The following SGTB variants were observed in gnomAD, a reference collection of about 807,000 sequenced individuals.
The protein encoded by SGTB is small glutamine rich tetratricopeptide repeat co-chaperone beta, also known as small glutamine-rich tetratricopeptide repeat-containing protein beta.
In SGTB, 19 loss-of-function variants were observed where a neutral mutation model predicts 43.9. That is an observed-to-expected ratio of 0.43 (90% CI 0.30 to 0.63). SGTB has a LOEUF of 0.63. SGTB is among the 30% of genes least tolerant of loss of function. SGTB has a pLI of 0.12. For synonymous variants in SGTB, 116 were observed against 117.3 expected (o/e 0.99, Z 0.07); for missense variants, 304 against 358.9 (o/e 0.85, Z 1.24).
intron 5 of SGTB, among the ~76,000 whole-genome samples, chr5:65,701,836 T>C (rs1174225099): frequency 6.6e-6 from 1 of 152,094 alleles, no homozygotes; most frequent in Admixed American, 6.6e-5. Flanking sequence ...GGTTTCACTG[T>C]GTTAGCCAGG....
intron 5 of SGTB, among the ~76,000 whole-genome samples, chr5:65,687,690 G>T (rs1179042474): frequency 6.6e-6 from 1 of 152,188 alleles, no homozygotes; most frequent in Non-Finnish European, 1.5e-5. Context: ...AAGGAGAACA[G>T]TTCAGAGAGA....
intron 5 of SGTB, among the ~76,000 whole-genome samples, chr5:65,697,356 C>T (rs773731866): frequency 6.6e-6 from 1 of 152,106 alleles, no homozygotes; most frequent in Non-Finnish European, 1.5e-5. Flanking sequence ...TCTTCTAATA[C>T]AGTACTGGTG....
chr5:65,704,047 AAAAAATAAAT>A lies in SGTB; in HGVS notation c.374+222_374+231del, dbSNP rs1407262658. Among the ~76,000 whole-genome samples the A allele has an allele frequency of 8.7e-4, 109 of 125,192 alleles. No individual in the cohort carries two copies. The East Asian group carries it at 0.022, about 25-fold the overall frequency. The allele number at this position is 125,192 out of a possible 152,430, so 82.1% of individuals were successfully genotyped here. On this transcript the variant is annotated intron_variant, in intron 5 of 10. Transcript: ENST00000381007. Reference sequence around the variant, plus strand: ...TGAGACTCCGTCTCAAAAAAAAAAAAAAAAATAAATAAATAAATAAATAAATAAATTTATG... The same window carrying A: ...TGAGACTCCGTCTCAAAAAAAAAAAAAAATAAATAAATAAATAAATTTATG...
chr5:65,704,047 A>AAAAAAAT (rs1554025717), intron 5 of SGTB, among the ~76,000 whole-genome samples: 9 of 125,216 alleles, frequency 7.2e-5, no homozygotes, highest in Middle Eastern at 3.7e-3. Context: ...AAAAAAAAAA[A>AAAAAAAT]AAAAATAAAT....
At chr5:65,687,144 A>G (rs545803630) in intron 5 of SGTB, among the ~76,000 whole-genome samples, 1 of 152,322 alleles carries the variant, frequency 6.6e-6, no homozygotes, top group South Asian at 2.1e-4. Flanking sequence ...GTGGGAAGAA[A>G]AGGAGAAGAA....
chr5:65,670,447 T>A, intron 10 of SGTB, 90 bp from the exon 11 acceptor site: 1 of 1,019,462 alleles, frequency 9.8e-7, no homozygotes, highest in Non-Finnish European at 1.5e-6. Context: ...AGGAGCTACC[T>A]AAAGGGGGCT....
In SGTB at chr5:65,665,983, G is replaced by C. The variant is rs528810648; in HGVS notation, c.*4263C>G. 1 of 152,650 alleles carries C rather than the reference G, an allele frequency of 6.6e-6. No homozygotes were observed. Among genetic ancestry groups the C allele is most frequent in the South Asian group, 2.1e-4 (1 of 4,828 alleles). 9.5% of individuals were successfully genotyped at this position (152,650 alleles called of 1,614,324 possible). Reference sequence around the variant, plus strand: ...CATAACAAATTGTTTGGTCCAAAATGAAAGCTATATTCAGAAGGTTTGCAC... The same window carrying C: ...CATAACAAATTGTTTGGTCCAAAATCAAAGCTATATTCAGAAGGTTTGCAC... On this transcript the variant is annotated 3_prime_UTR_variant, in exon 11 of 11. Coordinates refer to ENST00000381007, the MANE Select transcript of SGTB (RefSeq NM_019072.3).
chr5:65,721,782 C>T, intron 1 of SGTB, 135 bp downstream of exon 1: 1 of 152,566 alleles, frequency 6.6e-6, no homozygotes. Context: ...CAGAGCGCAT[C>T]GAGCTCCCCC....
intron 3 of SGTB, 34 bp downstream of exon 3, chr5:65,712,927 A>G: frequency 6.6e-7 from 1 of 1,513,954 alleles, no homozygotes; most frequent in East Asian, 2.3e-5. Context: ...TTGTAGTCAT[A>G]TCAGTTAATA....
chr5:65,704,436 C>CTA, intron 4 of SGTB, 58 bp from the exon 5 acceptor site: 1 of 1,243,502 alleles, frequency 8.0e-7, no homozygotes, highest in African/African-American at 1.5e-5. Context: ...AACATACACT[C>CTA]TTATAGACAC....
chr5:65,710,785 T>C (rs1436329891), intron 3 of SGTB, among the ~76,000 whole-genome samples: 2 of 151,208 alleles, frequency 1.3e-5, no homozygotes, highest in Non-Finnish European at 2.9e-5. Flanking sequence ...AGGTCAGGAG[T>C]TCAACACCAG....
At chr5:65,717,542 C>T (rs1758174837) in intron 2 of SGTB, among the ~76,000 whole-genome samples, 1 of 151,324 alleles carries the variant, frequency 6.6e-6, no homozygotes, top group Admixed American at 6.6e-5. Flanking sequence ...GCTAGTCAAA[C>T]AGGCAGGCAG....
chr5:65,676,792 A>G (rs907523229), intron 8 of SGTB, among the ~76,000 whole-genome samples: 3 of 152,170 alleles, frequency 2.0e-5, no homozygotes, highest in Admixed American at 6.5e-5. Flanking sequence ...GATACAACAT[A>G]CCAGAATCTC....
chr5:65,703,759 C>T (rs1383251469), intron 5 of SGTB, among the ~76,000 whole-genome samples: 1 of 149,746 alleles, frequency 6.7e-6, no homozygotes, highest in South Asian at 2.1e-4. Flanking sequence ...AAATTTAGGC[C>T]GGGCGCGGTG....
chr5:65,702,745 AATTTTAAGGGGATAGAAAC>A (rs1482446136), intron 5 of SGTB, among the ~76,000 whole-genome samples: 1 of 152,182 alleles, frequency 6.6e-6, no homozygotes, highest in African/African-American at 2.4e-5. Context: ...TTAGTATATG[AATTTTAAGGGGATAGAAAC>A]ATTCAGTCTA....
chr5:65,705,141 G>A (rs1396549307), intron 4 of SGTB, among the ~76,000 whole-genome samples: 1 of 152,154 alleles, frequency 6.6e-6, no homozygotes, highest in African/African-American at 2.4e-5. Flanking sequence ...GCACTTGTAA[G>A]AACCAATGGT....
intron 5 of SGTB, among the ~76,000 whole-genome samples, chr5:65,700,228 G>A (rs1475952454): frequency 6.6e-6 from 1 of 152,178 alleles, no homozygotes; most frequent in African/African-American, 2.4e-5. Flanking sequence ...CTAACAGACA[G>A]AGGTAAACTG....
chr5:65,671,706 C>T (rs1757157777), intron 10 of SGTB, among the ~76,000 whole-genome samples: 2 of 152,006 alleles, frequency 1.3e-5, no homozygotes, highest in South Asian at 4.2e-4. Flanking sequence ...ACAGGGCTGG[C>T]CAGACTATCT....
upstream of SGTB, chr5:65,722,228 A>G (rs1466014915): frequency 1.6e-5 from 7 of 433,786 alleles, no homozygotes; most frequent in Non-Finnish European, 2.7e-5. Flanking sequence ...GAGCTGCCGC[A>G]CGTGGGAGGG....
Sources: allele counts gnomAD v4.1 joint callset (sites outside exome capture counted in the v4.1 genomes callset), GRCh38; gene constraint gnomAD v4.1.1; transcripts MANE v1.5; gene names NCBI Gene and HGNC (gene_info 2026-07-23, HGNC 2026-07-21).